DDHD1: variants seen among roughly 807,000 people sequenced by gnomAD.
DDHD1 encodes the protein DDHD domain containing 1.
Under a neutral mutation model 96.4 loss-of-function variants are expected in DDHD1, and 49 were observed. That is an observed-to-expected ratio of 0.51 (90% CI 0.40 to 0.64). DDHD1 has a LOEUF of 0.64. Ranked by LOEUF, DDHD1 falls within the 30% of genes least tolerant of loss-of-function variation. The probability of loss-of-function intolerance (pLI) is 0.00; values close to 1 mark genes in which losing one functional copy is unlikely to be tolerated. For missense variants in DDHD1, 1,106 were observed against 1,161.2 expected (o/e 0.95, Z 0.69); for synonymous variants, 442 against 446.5 (o/e 0.99, Z 0.13).
chr14:53,152,992 C>T lies in DDHD1; in HGVS notation c.107G>A (p.Gly36Asp), dbSNP rs1891574611. The T allele has an allele frequency of 1.3e-6, 2 of 1,549,320 alleles. No homozygotes were observed. The highest frequency in any genetic ancestry group is 1.7e-6 in the Non-Finnish European group (2 of 1,150,264). The change falls in exon 1 of 13, where the codon GGC (glycine) becomes GAC (aspartate). Residue 36 changes from glycine (G) to aspartate (D), a missense_variant. By Grantham distance (94) the Gly-to-Asp change is moderately conservative. This residue lies in a region of DDHD1 where 456 missense variants were observed against 402.4 expected (regional missense o/e 1.13). Coordinates refer to ENST00000673822, the MANE Select transcript of DDHD1 (RefSeq NM_001160148.2). ...CAGGTGCTCGAAGCAGCAGACGCCG[C>T]CGCCGAACGCTGGCCTCGCGTCTGA... ...LGSDARPAFG[G>D]GVCCFEHLPG...
At chr14:53,062,912 A>T in intron 7 of DDHD1, 31 bp downstream of exon 7, 1 of 1,600,110 alleles carries the variant, frequency 6.2e-7, no homozygotes, top group Non-Finnish European at 8.5e-7. Context: ...AAAGACATTT[A>T]AAAATTTTTC....
chr14:53,081,575 G>C (rs1885473262), intron 4 of DDHD1, among the ~76,000 whole-genome samples: 1 of 152,168 alleles, frequency 6.6e-6, no homozygotes, highest in Non-Finnish European at 1.5e-5. Context: ...GCATCAGTGA[G>C]GAGAGGCAAG....
chr14:53,060,705 T>C (rs191156109), intron 8 of DDHD1, among the ~76,000 whole-genome samples: 35 of 152,334 alleles, frequency 2.3e-4, no homozygotes, highest in African/African-American at 7.7e-4. Flanking sequence ...TGATGTTTCT[T>C]GAGGTATATG....
intron 4 of DDHD1, among the ~76,000 whole-genome samples, chr14:53,080,772 G>A (rs370673486): frequency 8.4e-5 from 11 of 130,602 alleles, no homozygotes; most frequent in African/African-American, 3.0e-4. Flanking sequence ...CCCAGCTGAA[G>A]TGCAGTGGCT....
At position 53,153,014 on chromosome 14, in the gene DDHD1, C is replaced by A. The variant is rs1008090932; in HGVS notation, c.85G>T (p.Asp29Tyr). 6 of 1,527,774 alleles carry A rather than the reference C, an allele frequency of 3.9e-6. No homozygotes were observed. The African/African-American group carries it at 8.6e-5, about 22-fold the overall frequency. 94.6% of individuals were successfully genotyped at this position (1,527,774 alleles called of 1,614,324 possible). ...GGGGAWELGS[D>Y]ARPAFGGGVC... Reference sequence around the variant, plus strand: ...CCGCCGCCGAACGCTGGCCTCGCGTCTGAGCCCAGCTCCCAGGCGCCGCCG... The same window carrying A: ...CCGCCGCCGAACGCTGGCCTCGCGTATGAGCCCAGCTCCCAGGCGCCGCCG... The change falls in exon 1 of 13, where the codon GAC becomes TAC. Residue 29 changes from aspartate to tyrosine, a missense_variant. Transcript: ENST00000673822.
chr14:53,050,991 G>A (rs1448546224), intron 12 of DDHD1, among the ~76,000 whole-genome samples: 2 of 150,484 alleles, frequency 1.3e-5, no homozygotes, highest in Admixed American at 6.6e-5. Flanking sequence ...CAGCACTTAT[G>A]TAAGATAATT....
In DDHD1 at chr14:53,113,068, T is replaced by C. The variant is rs180689408; in HGVS notation, c.839-9212A>G. ...TCCACCTCCCAGGTTCAAGCAATTCTCCTGCCTCAGCCTCCAGAGTAGCCA... is the reference window on the plus strand; with the variant it reads ...TCCACCTCCCAGGTTCAAGCAATTCCCCTGCCTCAGCCTCCAGAGTAGCCA... On this transcript the variant is annotated intron_variant, in intron 1 of 12. Transcript: ENST00000673822. Among the ~76,000 whole-genome samples, 269 of 152,042 alleles carry C rather than the reference T, an allele frequency of 1.8e-3. 1 individual carries two copies. Among genetic ancestry groups the C allele is most frequent in the Non-Finnish European group, 2.6e-3 (175 of 67,992 alleles).
chr14:53,083,682 A>C (rs1885687751), intron 4 of DDHD1, among the ~76,000 whole-genome samples: 1 of 152,238 alleles, frequency 6.6e-6, no homozygotes, highest in Non-Finnish European at 1.5e-5. Context: ...TCAGGATGGC[A>C]CTGATAAGGA....
chr14:53,079,965 T>C (rs1056261134), intron 4 of DDHD1, among the ~76,000 whole-genome samples: 1 of 152,224 alleles, frequency 6.6e-6, no homozygotes, highest in Non-Finnish European at 1.5e-5. Flanking sequence ...TCGTTTTCAT[T>C]GCATTCCATC....
At chr14:53,067,440 G>A (rs1181113455) in intron 6 of DDHD1, among the ~76,000 whole-genome samples, 3 of 148,682 alleles carry the variant, frequency 2.0e-5, no homozygotes, top group African/African-American at 7.5e-5. Flanking sequence ...TTACCAGCAT[G>A]AGCCACCATG....
chr14:53,091,826 C>G lies in DDHD1; in HGVS notation c.1248G>C (p.Gly416=). The change falls in exon 4 of 13, where the codon GGG becomes GGC. Residue 416 remains glycine, a synonymous_variant. Transcript: ENST00000673822. ...THIVFVVHGI[G]QKMDQGRIIK... ...TAATTCTTCCTTGGTCCATTTTCTG[C>G]CCAATGCCATGCACAACAAATACAA... 1 of 1,613,478 alleles carries G rather than the reference C, an allele frequency of 6.2e-7. No individual in the cohort carries two copies. The highest frequency in any genetic ancestry group is 1.1e-5 in the South Asian group (1 of 90,982).
At chr14:53,061,737 T>C (rs976050390) in intron 7 of DDHD1, among the ~76,000 whole-genome samples, 8 of 152,140 alleles carry the variant, frequency 5.3e-5, no homozygotes, top group Non-Finnish European at 8.8e-5. Flanking sequence ...TTATTATTTT[T>C]TAAAAGCTAT....
At chr14:53,114,137 C>T (rs1888359624) in intron 1 of DDHD1, among the ~76,000 whole-genome samples, 1 of 152,226 alleles carries the variant, frequency 6.6e-6, no homozygotes, top group African/African-American at 2.4e-5. Context: ...CACAGCGGGG[C>T]AAAGCGGCTG....
chr14:53,151,818 C>G (rs957931227), intron 1 of DDHD1, among the ~76,000 whole-genome samples: 2 of 152,208 alleles, frequency 1.3e-5, no homozygotes, highest in Non-Finnish European at 2.9e-5. Context: ...GAACCCATAA[C>G]TAAGCTGTTG....
At chr14:53,125,431 A>T (rs986147346) in intron 1 of DDHD1, among the ~76,000 whole-genome samples, 3 of 152,242 alleles carry the variant, frequency 2.0e-5, no homozygotes, top group African/African-American at 7.2e-5. Context: ...AATAAAATGG[A>T]GTATACAACC....
intron 4 of DDHD1, among the ~76,000 whole-genome samples, chr14:53,087,717 C>A (rs867934539): frequency 6.6e-6 from 1 of 152,098 alleles, no homozygotes; most frequent in African/African-American, 2.4e-5. Context: ...CAGAAAAGAT[C>A]TAACATTGAC....
chr14:53,060,020 A>C (rs539648046), intron 8 of DDHD1, among the ~76,000 whole-genome samples: 6 of 152,238 alleles, frequency 3.9e-5, no homozygotes, highest in Admixed American at 3.3e-4. Context: ...TTTTTTTAAA[A>C]AAACACTTTG....
chr14:53,046,793 G>C lies in DDHD1; in HGVS notation c.2678C>G (p.Ala893Gly). ...TCAGATTGGATCTAAATTGGGTTTTGCATCATCATCGTGCTCATGTTTATA... is the reference window on the plus strand; with the variant it reads ...TCAGATTGGATCTAAATTGGGTTTTCCATCATCATCGTGCTCATGTTTATA... ...FMYKHEHDDD[A>G]KPNLDPI Residue 893 changes from alanine to glycine, a missense_variant, in exon 13 of 13, where the codon GCA becomes GGA. Transcript: ENST00000673822. The C allele has an allele frequency of 6.2e-7, 1 of 1,607,224 alleles. No homozygotes were observed. Among genetic ancestry groups the C allele is most frequent in the Non-Finnish European group, 8.5e-7 (1 of 1,177,100 alleles).
chr14:53,135,476 C>T (rs1890167029), intron 1 of DDHD1, among the ~76,000 whole-genome samples: 1 of 152,264 alleles, frequency 6.6e-6, no homozygotes, highest in Non-Finnish European at 1.5e-5. Flanking sequence ...AGCCCAACTG[C>T]ACCCAGGTGA....
Sources: gnomAD v4.1 joint callset for allele counts (sites outside exome capture counted in the v4.1 genomes callset) on GRCh38, gnomAD v4.1.1 for gene constraint, gnomAD v4.1.1 regional missense constraint, MANE v1.5 for transcripts, NCBI Gene and HGNC (gene_info 2026-07-23, HGNC 2026-07-21) for gene names.